The following KLKB1 variants were observed in gnomAD, a reference collection of about 807,000 sequenced individuals.
The protein encoded by KLKB1 is plasma kallikrein.
A neutral mutation model predicts 73.6 loss-of-function variants in KLKB1; 58 were observed. The ratio of observed to expected loss-of-function variants is 0.79; its 90% CI spans 0.64 to 0.98. The LOEUF is 0.98. Among genes scored for constraint, KLKB1 ranks in the 50% least tolerant of loss-of-function variants. KLKB1 has a pLI of 0.00. For synonymous variants in KLKB1, 280 were observed against 258.1 expected (o/e 1.08, Z -0.81); for missense variants, 737 against 763.8 (o/e 0.96, Z 0.41).
At chr4:186,225,255 G>T (rs1476985229), upstream of KLKB1, among the ~76,000 whole-genome samples, 1 of 149,288 alleles carries the variant, frequency 6.7e-6, no homozygotes, top group Admixed American at 6.7e-5. Context: ...ATTCTTGGTT[G>T]CCAGGTTTTG....
intron 2 of KLKB1, among the ~76,000 whole-genome samples, chr4:186,231,566 A>G (rs572056415): frequency 6.6e-6 from 1 of 152,384 alleles, no homozygotes; most frequent in African/African-American, 2.4e-5. Context: ...CATGCTAGAA[A>G]AGGACACAGG....
At chr4:186,215,136 G>T (rs543426651) in intron 2 of KLKB1, among the ~76,000 whole-genome samples, 2 of 152,064 alleles carry the variant, frequency 1.3e-5, no homozygotes, top group South Asian at 2.1e-4. Context: ...ATCTTATCGG[G>T]AAGAAAAATT....
At chr4:186,224,460 C>T (rs528584270), upstream of KLKB1, among the ~76,000 whole-genome samples, 1 of 152,354 alleles carries the variant, frequency 6.6e-6, no homozygotes, top group South Asian at 2.1e-4. Context: ...CACCTTGCAT[C>T]AGCATGCCCT....
chr4:186,232,164 A>C lies in KLKB1; in HGVS notation c.96A>C (p.Arg32Ser). 1 of 1,613,836 alleles carries C rather than the reference A, an allele frequency of 6.2e-7. No individual in the cohort carries two copies. The highest frequency in any genetic ancestry group is 8.5e-7 in the Non-Finnish European group (1 of 1,179,788). Reference protein sequence around the residue: ...LTQLYENAFFRGGDVASMYTP... With the variant: ...LTQLYENAFFSGGDVASMYTP... Reference sequence around the variant, plus strand: ...AACTCTATGAAAACGCCTTCTTCAGAGGTGGGGATGTAGCTTCCATGTACA... The same window carrying C: ...AACTCTATGAAAACGCCTTCTTCAGCGGTGGGGATGTAGCTTCCATGTACA... Residue 32 changes from arginine to serine, a missense_variant, in exon 3 of 15, where the codon AGA (arginine) becomes AGC (serine). By Grantham distance (110) the Arg-to-Ser change is moderately radical (BLOSUM62 -1). Transcript: ENST00000264690.
chr4:186,257,956 G>GCAGT, intron 14 of KLKB1, 65 bp from the exon 15 acceptor site: 1 of 1,405,174 alleles, frequency 7.1e-7, no homozygotes. Flanking sequence ...AACTTTAGAG[G>GCAGT]CAGTCACTTA....
chr4:186,247,485 G>A (rs144553830), intron 6 of KLKB1, among the ~76,000 whole-genome samples: 7 of 152,188 alleles, frequency 4.6e-5, no homozygotes, highest in Non-Finnish European at 8.8e-5. Context: ...AACGTCATCA[G>A]TTAAGGCAGG....
chr4:186,218,544 G>C (rs1561443700), intron 2 of KLKB1, among the ~76,000 whole-genome samples: 1 of 151,880 alleles, frequency 6.6e-6, no homozygotes, highest in African/African-American at 2.4e-5. Context: ...TATATCTACT[G>C]TGTACAAGAT....
At chr4:186,253,974 T>G (rs1274992621) in intron 11 of KLKB1, among the ~76,000 whole-genome samples, 1 of 152,046 alleles carries the variant, frequency 6.6e-6, no homozygotes, top group Non-Finnish European at 1.5e-5. Context: ...TAGCTGGGAT[T>G]ACAGGCGCGC....
intron 11 of KLKB1, 114 bp downstream of exon 11, chr4:186,252,299 G>A (rs1157177079): frequency 2.6e-6 from 3 of 1,149,266 alleles, no homozygotes; most frequent in African/African-American, 1.5e-5. Context: ...TGTTAAAGCG[G>A]GGATGGTATT....
chr4:186,245,378 G>A (rs145274990), intron 6 of KLKB1, among the ~76,000 whole-genome samples: 3,709 of 152,238 alleles, frequency 0.024, 160 homozygotes, highest in African/African-American at 0.086. Flanking sequence ...GTCTTCAGCC[G>A]CTAAGCCAAG....
Position 186,244,517 on chromosome 4 carries a change from C to G in KLKB1, c.599-5726C>G, listed in dbSNP as rs370853510. On this transcript the variant is annotated intron_variant, in intron 6 of 14. Coordinates refer to ENST00000264690, the MANE Select transcript of KLKB1 (RefSeq NM_000892.5). ...AGCCCAAGTAAGTTGCTGAGGCTGA[C>G]GGGTGTCAGGGTCAGTCCAAGTGAA... Among the ~76,000 whole-genome samples, 3 of 148,936 alleles carry G rather than the reference C, an allele frequency of 2.0e-5. No individual in the cohort carries two copies. The South Asian group carries it at 6.4e-4, about 32-fold the overall frequency.
intron 2 of KLKB1, chr4:186,210,971 G>T: frequency 7.9e-6 from 2 of 252,114 alleles, no homozygotes; most frequent in South Asian, 4.7e-5. Context: ...CAAGTAGCTG[G>T]GATTACAGGT....
At chr4:186,215,628 C>T (rs1442771938) in intron 2 of KLKB1, among the ~76,000 whole-genome samples, 1 of 152,012 alleles carries the variant, frequency 6.6e-6, no homozygotes, top group Admixed American at 6.6e-5. Context: ...GGCCGGAGTG[C>T]AGTGGCGCAA....
At chr4:186,235,220 T>C (rs1737596692) in intron 4 of KLKB1, among the ~76,000 whole-genome samples, 1 of 152,230 alleles carries the variant, frequency 6.6e-6, no homozygotes, top group Non-Finnish European at 1.5e-5. Context: ...TTCGAGTAAG[T>C]GCTATTTCTG....
intron 4 of KLKB1, 86 bp downstream of exon 4, chr4:186,234,144 C>A: frequency 4.0e-6 from 4 of 1,005,462 alleles, no homozygotes; most frequent in Non-Finnish European, 4.7e-6. Flanking sequence ...ACTGCTACAG[C>A]TTTTTGGAAG....
chr4:186,214,021 T>C (rs1238647151), intron 2 of KLKB1, among the ~76,000 whole-genome samples: 2 of 152,188 alleles, frequency 1.3e-5, no homozygotes, highest in Non-Finnish European at 2.9e-5. Flanking sequence ...GCAATCCCAC[T>C]TTCTCAACCT....
At chr4:186,218,531 A>G (rs1736960314) in intron 2 of KLKB1, among the ~76,000 whole-genome samples, 2 of 152,148 alleles carry the variant, frequency 1.3e-5, no homozygotes, top group Admixed American at 6.5e-5. Flanking sequence ...AATAAAAATT[A>G]TATATATCTA....
intron 6 of KLKB1, among the ~76,000 whole-genome samples, chr4:186,243,846 TA>T (rs1408236568): frequency 7.3e-6 from 1 of 137,292 alleles, no homozygotes; most frequent in African/African-American, 2.7e-5. Flanking sequence ...TGGAAGATAC[TA>T]CAGCATAGCC....
intron 14 of KLKB1, among the ~76,000 whole-genome samples, chr4:186,257,583 G>A (rs572776387): frequency 1.5e-3 from 228 of 151,764 alleles, no homozygotes; most frequent in African/African-American, 5.4e-3. Flanking sequence ...TATTTAAGAG[G>A]GGCAAATATA....
Sources: gnomAD v4.1 joint callset for allele counts (sites outside exome capture counted in the v4.1 genomes callset) on GRCh38, gnomAD v4.1.1 for gene constraint, MANE v1.5 for transcripts, NCBI Gene and HGNC (gene_info 2026-07-23, HGNC 2026-07-21) for gene names.